MDC1: variants seen among roughly 807,000 people sequenced by gnomAD.
MDC1 encodes the protein mediator of DNA damage checkpoint protein 1.
Under a neutral mutation model 142.5 loss-of-function variants are expected in MDC1, and 81 were observed. The observed-to-expected ratio is 0.57, with a 90% CI of 0.47 to 0.68. The LOEUF (loss-of-function observed/expected upper bound fraction) is 0.68, where lower values mean the gene tolerates loss of function less well. MDC1 is among the 30% of genes least tolerant of loss of function. The probability of loss-of-function intolerance (pLI) is 0.00; values close to 1 mark genes in which losing one functional copy is unlikely to be tolerated. For missense variants in MDC1, 2,119 were observed against 2,547.9 expected (o/e 0.83, Z 3.62); for synonymous variants, 797 against 968.4 (o/e 0.82, Z 3.29).
At position 30,712,839 on chromosome 6, in the gene MDC1, T is replaced by C. The variant is rs762121587; in HGVS notation, c.1103A>G (p.His368Arg). 1 of 1,613,050 alleles carries C rather than the reference T, an allele frequency of 6.2e-7. No homozygotes were observed. The highest frequency in any genetic ancestry group is 8.5e-7 in the Non-Finnish European group (1 of 1,179,998). Reference sequence around the variant, plus strand: ...ACTACCAGCCTGGCTCTCCTGCAGATGGGCCAGGCCTGGTGCTCCAGGACC... The same window carrying C: ...ACTACCAGCCTGGCTCTCCTGCAGACGGGCCAGGCCTGGTGCTCCAGGACC... ...TRGPGAPGLA[H>R]LQESQAGSDT... Residue 368 changes from histidine to arginine, a missense_variant, in exon 5 of 15, where the codon CAT (histidine) becomes CGT (arginine). His to Arg is a conservative substitution (Grantham distance 29, BLOSUM62 0). Transcript: ENST00000376406. The surrounding 1 kb of genome is among the most constrained non-coding windows in gnomAD (Gnocchi z 4.7).
At position 30,702,651 on chromosome 6, in the gene MDC1, A is replaced by G. The variant is rs781306038; in HGVS notation, c.6004T>C (p.Tyr2002His). ...ERRLLEGYEI[Y>H]VTPGVQPPPP... ...GGTGGCTGGACTCCAGGGGTCACATAGATCTCATAGCCCTAAGAGAAAGAA... is the reference window on the plus strand; with the variant it reads ...GGTGGCTGGACTCCAGGGGTCACATGGATCTCATAGCCCTAAGAGAAAGAA... The change falls in exon 14 of 15, where the codon TAT (tyrosine) becomes CAT (histidine). Residue 2002 changes from tyrosine to histidine, a missense_variant. Tyr to His is a moderately conservative substitution (Grantham distance 83). Coordinates refer to ENST00000376406, the MANE Select transcript of MDC1 (RefSeq NM_014641.3). The G allele has an allele frequency of 3.7e-6, 6 of 1,610,960 alleles. No individual in the cohort carries two copies. Among genetic ancestry groups the G allele is most frequent in the Non-Finnish European group, 5.1e-6 (6 of 1,179,096 alleles).
At position 30,700,651 on chromosome 6, in the gene MDC1, AG is replaced by A. The variant is rs1410725979; in HGVS notation, c.6103-20del. ...TCTGAGGCTGGGGAAGACAGAGCAAAGGCAAAATCAGGTGAAAAAGAATCCT... is the reference window on the plus strand; with the variant it reads ...TCTGAGGCTGGGGAAGACAGAGCAAAGCAAAATCAGGTGAAAAAGAATCCT... On this transcript the variant is annotated intron_variant, in intron 14 of 14. Transcript: ENST00000376406. 6.2e-7 allele frequency: 1 copy of A among 1,611,610 alleles called. No homozygotes were observed. Among genetic ancestry groups the A allele is most frequent in the East Asian group, 2.2e-5 (1 of 44,864 alleles).
intron 7 of MDC1, 26 bp from the exon 8 acceptor site, chr6:30,708,383 G>A: frequency 4.5e-6 from 7 of 1,565,328 alleles, no homozygotes; most frequent in Non-Finnish European, 6.1e-6. Context: ...GGAAGAGAGA[G>A]AGAGGGAGAG....
Position 30,715,916 on chromosome 6 carries a change from A to G in MDC1, c.-3-738T>C, listed in dbSNP as rs2127730094. 1.3e-5 allele frequency among the ~76,000 whole-genome samples: 2 copies of G among 152,332 alleles called. No individual in the cohort carries two copies. Among genetic ancestry groups the G allele is most frequent in the East Asian group, 3.9e-4 (2 of 5,190 alleles). ...CTCCTTGAAACATACATAAGCATAT[A>G]TAAGGTTAAGACTTGCCCCAAATCA... is the stretch of plus-strand genomic sequence containing the variant. On this transcript the variant is annotated intron_variant, in intron 1 of 14. Transcript: ENST00000376406. The surrounding 1 kb of genome is among the most constrained non-coding windows in gnomAD (Gnocchi z 4.1).
chr6:30,711,395 G>A lies in MDC1; in HGVS notation c.2221+17C>T. 2.5e-6 allele frequency: 4 copies of A among 1,604,310 alleles called. No homozygotes were observed. The highest frequency in any genetic ancestry group is 3.4e-6 in the Non-Finnish European group (4 of 1,172,076). The stretch of plus-strand genomic sequence containing the variant: ...ATGCAGAATTGGGGACACAGAGGAG[G>A]GAAGAGTTTCTTATACCTGTTGTCT... On this transcript the variant is annotated intron_variant, in intron 7 of 14. Coordinates refer to ENST00000376406, the MANE Select transcript of MDC1 (RefSeq NM_014641.3).
In MDC1 at chr6:30,702,650, T is replaced by A. The variant is rs896771223; in HGVS notation, c.6005A>T (p.Tyr2002Phe). 6.2e-7 allele frequency: 1 copy of A among 1,611,114 alleles called. No homozygotes were observed. Among genetic ancestry groups the A allele is most frequent in the Non-Finnish European group, 8.5e-7 (1 of 1,179,110 alleles). ...ERRLLEGYEI[Y>F]VTPGVQPPPP... ...TGGTGGCTGGACTCCAGGGGTCACA[T>A]AGATCTCATAGCCCTAAGAGAAAGA... The change falls in exon 14 of 15, where the codon TAT (tyrosine) becomes TTT (phenylalanine). Residue 2002 changes from tyrosine to phenylalanine, a missense_variant. By Grantham distance (22) the Tyr-to-Phe change is conservative. Coordinates refer to ENST00000376406, the MANE Select transcript of MDC1 (RefSeq NM_014641.3).
chr6:30,707,270 G>T, intron 9 of MDC1, 114 bp downstream of exon 9: 1 of 1,165,436 alleles, frequency 8.6e-7, no homozygotes, highest in East Asian at 2.4e-5. Flanking sequence ...TGACAAAAAT[G>T]GAAGAAAACT....
In MDC1 at chr6:30,704,992, A is replaced by G; in HGVS notation, c.4191T>C (p.Asn1397=). ...PTSRATRGRK[N]RSSGKTPETL... ...TTTCAGGGGTCTTGCCAGAGGATCT[A>G]TTTTTTCTTCCCCTAGTAGCCCGAG... Residue 1397 remains asparagine (N), a synonymous_variant, in exon 10 of 15, where the codon AAT becomes AAC. Transcript: ENST00000376406. 6.2e-7 allele frequency: 1 copy of G among 1,603,572 alleles called. No individual in the cohort carries two copies.
chr6:30,710,498 A>C (rs907520022), intron 7 of MDC1, among the ~76,000 whole-genome samples: 1 of 151,834 alleles, frequency 6.6e-6, no homozygotes, highest in African/African-American at 2.4e-5. Context: ...CCTGGGTTCA[A>C]GGGATTCTCC....
Position 30,708,142 on chromosome 6 carries a change from C to A in MDC1, c.2437G>T (p.Val813Phe). 6.2e-7 allele frequency: 1 copy of A among 1,613,132 alleles called. No homozygotes were observed. Among genetic ancestry groups the A allele is most frequent in the Admixed American group, 1.7e-5 (1 of 60,022 alleles). The change falls in exon 8 of 15, where the codon GTC becomes TTC. Residue 813 changes from valine (V) to phenylalanine (F), a missense_variant. Physicochemically the swap from Val to Phe is conservative, Grantham distance 50 (BLOSUM62 -1). Transcript: ENST00000376406. ...GCTGTTTCTTTTGGTATACCCATGA[C>A]TTTATCCACAGTCTGCCTCCCTCTG... ...QGRGRQTVDK[V>F]MGIPKETAER...
At position 30,699,844 on chromosome 6, in the gene MDC1, A is replaced by G. The variant is rs914876330; in HGVS notation, c.*621T>C. On this transcript the variant is annotated 3_prime_UTR_variant, in exon 15 of 15. Transcript: ENST00000376406. ...TGAATATTTATTTATCACAGAGGTC[A>G]AGCCGAAGCTCTAATTTTATAAATC... 7 of 218,314 alleles carry G rather than the reference A, an allele frequency of 3.2e-5. No individual in the cohort carries two copies. The highest frequency in any genetic ancestry group is 1.6e-4 in the African/African-American group (7 of 44,554). The allele number at this position is 218,314 out of a possible 1,614,324, so 13.5% of individuals were successfully genotyped here. A position where few individuals can be genotyped will look rare whatever the true frequency, so the allele number is the denominator to read the frequency against.
Position 30,705,989 on chromosome 6 carries a change from G to C in MDC1, c.3194C>G (p.Pro1065Arg). ...SQSQKHLAPP[P>R]LLSPLLPSIK... is the part of the protein sequence containing the mutation. ...AGAAGGTAAAAGGGGAGAAAGAAGG[G>C]GCGGAGGTGCAAGATGTTTCTGGCT... The change falls in exon 10 of 15, where the codon CCC (proline) becomes CGC (arginine). Residue 1065 changes from proline (P) to arginine (R), a missense_variant. By Grantham distance (103) the Pro-to-Arg change is moderately radical (BLOSUM62 -2). Transcript: ENST00000376406. 1 of 1,612,948 alleles carries C rather than the reference G, an allele frequency of 6.2e-7. No individual in the cohort carries two copies. Among genetic ancestry groups the C allele is most frequent in the Non-Finnish European group, 8.5e-7 (1 of 1,179,956 alleles).
rs759675873 is a variant in MDC1 at position 30,712,863 on chromosome 6, C to T, written c.1079G>A (p.Gly360Asp). The change falls in exon 5 of 15, where the codon GGT becomes GAT. Residue 360 changes from glycine to aspartate, a missense_variant. By Grantham distance (94) the Gly-to-Asp change is moderately conservative. Transcript: ENST00000376406. The surrounding 1 kb of genome is among the most constrained non-coding windows in gnomAD (Gnocchi z 4.7). ...ATGGGCCAGGCCTGGTGCTCCAGGA[C>T]CCCTTGTACCTACTCCATGGAAGAT... ...RKIFHGVGTR[G>D]PGAPGLAHLQ... is the part of the protein sequence containing the mutation. The T allele has an allele frequency of 1.9e-5, 30 of 1,612,936 alleles. No homozygotes were observed. Among genetic ancestry groups the T allele is most frequent in the Non-Finnish European group, 2.5e-5 (29 of 1,180,032 alleles).
rs1034194527 is a variant in MDC1 at position 30,707,660 on chromosome 6, C to T, written c.2919G>A (p.Ala973=). 22 of 1,612,964 alleles carry T rather than the reference C, an allele frequency of 1.4e-5. No homozygotes were observed. Among genetic ancestry groups the T allele is most frequent in the African/African-American group, 2.7e-5 (2 of 74,920 alleles). Residue 973 remains alanine, a synonymous_variant, in exon 8 of 15, where the codon GCG becomes GCA. Transcript: ENST00000376406. ...SSPTPEPGVG[A]GDLPGPTSAP... is the part of the protein sequence containing the mutation. ...CTGAGGTAGGTCCCGGAAGGTCCCC[C>T]GCCCCCACCCCAGGCTCTGGTGTTG...
rs748846486 is a variant in MDC1 at position 30,712,994 on chromosome 6, G to C, written c.948C>G (p.Val316=). 3 of 1,612,716 alleles carry C rather than the reference G, an allele frequency of 1.9e-6. No individual in the cohort carries two copies. The highest frequency in any genetic ancestry group is 2.7e-5 in the African/African-American group (2 of 74,898). ...DSRPPGRPAE[V]HLERAQPFGF... is the part of the protein sequence containing the mutation. ...CAAAAGGCTGAGCCCTTTCCAAATGGACCTCAGCTGGCCTTCCAGGAGGCC... is the reference window on the plus strand; with the variant it reads ...CAAAAGGCTGAGCCCTTTCCAAATGCACCTCAGCTGGCCTTCCAGGAGGCC... The change falls in exon 5 of 15, where the codon GTC becomes GTG. Residue 316 remains valine (V), a synonymous_variant. Transcript: ENST00000376406. This position sits in a 1 kb window ranked among gnomAD's most constrained non-coding sequence, Gnocchi z 4.7.
chr6:30,711,495 C>T lies in MDC1; in HGVS notation c.2138G>A (p.Ser713Asn), dbSNP rs748761789. The change falls in exon 7 of 15, where the codon AGC becomes AAC. Residue 713 changes from serine to asparagine, a missense_variant. By Grantham distance (46) the Ser-to-Asn change is conservative. Coordinates refer to ENST00000376406, the MANE Select transcript of MDC1 (RefSeq NM_014641.3). ...LENQGLEAVQ[S>N]MEDEPTQAFM... ...GGCCTGGGTAGGTTCATCCTCCATGCTCTGGACTGCTGTACAGGAAAAGAT... is the reference window on the plus strand; with the variant it reads ...GGCCTGGGTAGGTTCATCCTCCATGTTCTGGACTGCTGTACAGGAAAAGAT... The T allele has an allele frequency of 1.9e-6, 3 of 1,612,932 alleles. No homozygotes were observed. The highest frequency in any genetic ancestry group is 2.5e-6 in the Non-Finnish European group (3 of 1,179,996).
intron 7 of MDC1, among the ~76,000 whole-genome samples, chr6:30,710,567 T>C (rs551075568): frequency 6.6e-6 from 1 of 151,980 alleles, no homozygotes; most frequent in Admixed American, 6.6e-5. Flanking sequence ...CCGGCTAATT[T>C]TGTATTTTTA....
Position 30,705,429 on chromosome 6 carries a change from G to C in MDC1, c.3754C>G (p.Pro1252Ala). The change falls in exon 10 of 15, where the codon CCT becomes GCT. Residue 1252 changes from proline to alanine, a missense_variant. Coordinates refer to ENST00000376406, the MANE Select transcript of MDC1 (RefSeq NM_014641.3). Reference sequence around the variant, plus strand: ...ACAGGCTGGTCTGTGGAGGTGGAAGGCTGGAGCTCAGGGGCTGTGGGGACA... The same window carrying C: ...ACAGGCTGGTCTGTGGAGGTGGAAGCCTGGAGCTCAGGGGCTGTGGGGACA... ...PVVPTAPELQ[P>A]STSTDQPVTS... 4 of 1,603,498 alleles carry C rather than the reference G, an allele frequency of 2.5e-6. No homozygotes were observed. Among genetic ancestry groups the C allele is most frequent in the Non-Finnish European group, 3.4e-6 (4 of 1,176,622 alleles).
intron 9 of MDC1, 87 bp from the exon 10 acceptor site, chr6:30,706,185 A>C (rs1773778150): frequency 2.5e-6 from 3 of 1,194,276 alleles, no homozygotes; most frequent in Non-Finnish European, 3.5e-6. Context: ...GTTTATGGTT[A>C]GATAGGCTTA....
Sources: gnomAD v4.1 joint callset for allele counts (sites outside exome capture counted in the v4.1 genomes callset) on GRCh38, gnomAD v4.1.1 for gene constraint, Gnocchi (gnomAD v3.1) non-coding constraint, MANE v1.5 for transcripts, NCBI Gene and HGNC (gene_info 2026-07-23, HGNC 2026-07-21) for gene names.